The following CSNK1G1 variants were observed in gnomAD, a reference collection of about 807,000 sequenced individuals.
CSNK1G1 encodes casein kinase I isoform gamma-1.
CSNK1G1 carries 22 observed loss-of-function variants against 59.6 expected under a neutral mutation model. That is an observed-to-expected ratio of 0.37 (90% CI 0.26 to 0.53). The LOEUF (loss-of-function observed/expected upper bound fraction) is 0.53, where lower values mean the gene tolerates loss of function less well. CSNK1G1 is among the 20% of genes least tolerant of loss of function. The pLI, the probability that CSNK1G1 is intolerant of heterozygous loss-of-function variation, is 0.89. For synonymous variants in CSNK1G1, 179 were observed against 177.1 expected, an observed-to-expected ratio of 1.01 and a Z score of -0.08; for missense variants, 384 against 519.5, an observed-to-expected ratio of 0.74 and a Z score of 2.54.
At chr15:64,342,519 T>C (rs1566954571) in intron 1 of CSNK1G1, 2 of 152,210 alleles carry the variant, frequency 1.3e-5, no homozygotes, top group Non-Finnish European at 2.9e-5. Flanking sequence ...TCCAAAGTAT[T>C]GTGCAGATCA....
chr15:64,177,845 A>G (rs1274826617), intron 11 of CSNK1G1, among the ~76,000 whole-genome samples: 1 of 152,240 alleles, frequency 6.6e-6, no homozygotes, highest in Non-Finnish European at 1.5e-5. Context: ...AGCCCATTTG[A>G]TTACTGCATT....
Position 64,180,343 on chromosome 15 carries a change from C to G in CSNK1G1, c.1214+5G>C. The G allele has an allele frequency of 6.2e-7, 1 of 1,610,114 alleles. No homozygotes were observed. Among genetic ancestry groups the G allele is most frequent in the Non-Finnish European group, 8.5e-7 (1 of 1,176,338 alleles). On this transcript the variant is annotated splice_donor_5th_base_variant and intron_variant, in intron 11 of 11. Transcript: ENST00000303052. ...CTTAAGAGCCCCCTTGAAAGATGTA[C>G]GTACTTAGCTTCCTCCACTACCTCC...
At chr15:64,245,344 A>G (rs895648751) in intron 4 of CSNK1G1, among the ~76,000 whole-genome samples, 31 of 152,344 alleles carry the variant, frequency 2.0e-4, no homozygotes, top group African/African-American at 7.5e-4. Context: ...ATATATGCAA[A>G]CCATGTATCT....
intron 2 of CSNK1G1, among the ~76,000 whole-genome samples, chr15:64,289,288 G>T (rs970360901): frequency 6.6e-6 from 1 of 151,842 alleles, no homozygotes; most frequent in African/African-American, 2.4e-5. Context: ...TGCAAGTATT[G>T]TATCTGTGAC....
intron 1 of CSNK1G1, among the ~76,000 whole-genome samples, chr15:64,339,365 T>C (rs1213423537): frequency 6.6e-6 from 1 of 151,992 alleles, no homozygotes; most frequent in Non-Finnish European, 1.5e-5. Context: ...CAAGGGGGAG[T>C]GCAGTGGCAC....
chr15:64,199,752 C>T (rs896616146), intron 10 of CSNK1G1, among the ~76,000 whole-genome samples: 5 of 152,058 alleles, frequency 3.3e-5, no homozygotes, highest in African/African-American at 1.2e-4. Context: ...ACTCGGGAGG[C>T]TGAGGCAGGA....
intron 1 of CSNK1G1, among the ~76,000 whole-genome samples, chr15:64,306,147 T>C (rs930232589): frequency 6.6e-6 from 1 of 152,200 alleles, no homozygotes. Context: ...TAAGTTTAAC[T>C]TCACTAAAAC....
At chr15:64,276,194 G>A (rs2140356961) in intron 2 of CSNK1G1, among the ~76,000 whole-genome samples, 1 of 152,208 alleles carries the variant, frequency 6.6e-6, no homozygotes, top group Middle Eastern at 3.4e-3. Flanking sequence ...AAGTGTCTAT[G>A]TACTTTCAAG....
At chr15:64,181,159 C>A in intron 10 of CSNK1G1, 3 of 1,491,504 alleles carry the variant, frequency 2.0e-6, no homozygotes, top group South Asian at 2.7e-5. Context: ...GGTAAAAAAA[C>A]ACTCTCCCTT....
In CSNK1G1 at chr15:64,166,161, A is replaced by G; in HGVS notation, c.*5770T>C. 2.0e-6 allele frequency: 1 copy of G among 501,358 alleles called. No homozygotes were observed. The highest frequency in any genetic ancestry group is 3.5e-6 in the Non-Finnish European group (1 of 283,554). 31.1% of individuals were successfully genotyped at this position (501,358 alleles called of 1,614,324 possible). On this transcript the variant is annotated 3_prime_UTR_variant, in exon 12 of 12. Transcript: ENST00000303052. The surrounding 1 kb of genome is among the most constrained non-coding windows in gnomAD (Gnocchi z 4.5). ...ACATTAAAACTGATTTCCACTGCTG[A>G]TTTATACATTATCTAGTTGTTTAAA...
At chr15:64,351,034 C>T (rs746286216) in intron 1 of CSNK1G1, among the ~76,000 whole-genome samples, 1 of 151,882 alleles carries the variant, frequency 6.6e-6, no homozygotes, top group African/African-American at 2.4e-5. Context: ...CCGGAAAATA[C>T]ACTTATCTAA....
chr15:64,241,181 T>C (rs564789209), intron 4 of CSNK1G1, among the ~76,000 whole-genome samples: 4 of 152,286 alleles, frequency 2.6e-5, no homozygotes, highest in Non-Finnish European at 5.9e-5. Context: ...TGGAAAAAGA[T>C]ATTCTACACA....
Position 64,170,563 on chromosome 15 carries a change from A to G in CSNK1G1, c.*1368T>C, listed in dbSNP as rs2081652408. Reference sequence around the variant, plus strand: ...TGCTACAGCTCAGCTATTGGGGCAGATAGGATACACCGATTTTCTTTTCCT... The same window carrying G: ...TGCTACAGCTCAGCTATTGGGGCAGGTAGGATACACCGATTTTCTTTTCCT... On this transcript the variant is annotated 3_prime_UTR_variant, in exon 12 of 12. Coordinates refer to ENST00000303052, the MANE Select transcript of CSNK1G1 (RefSeq NM_022048.5). 1 of 152,624 alleles carries G rather than the reference A, an allele frequency of 6.6e-6. No homozygotes were observed. The highest frequency in any genetic ancestry group is 1.5e-5 in the Non-Finnish European group (1 of 68,050). 9.5% of individuals were successfully genotyped at this position (152,624 alleles called of 1,614,324 possible).
At position 64,221,258 on chromosome 15, in the gene CSNK1G1, T is replaced by G. The variant is rs544734052; in HGVS notation, c.293-4545A>C. 2.0e-5 allele frequency among the ~76,000 whole-genome samples: 3 copies of G among 152,282 alleles called. No homozygotes were observed. The South Asian group carries it at 6.2e-4, about 32-fold the overall frequency. On this transcript the variant is annotated intron_variant, in intron 4 of 11. Coordinates refer to ENST00000303052, the MANE Select transcript of CSNK1G1 (RefSeq NM_022048.5). The stretch of plus-strand genomic sequence containing the variant: ...TAATATTGGCATAATTTCCTACACT[T>G]GTTGCCAATACTTAAGGTTCAGTTT...
At chr15:64,353,151 G>C (rs1042695590) in intron 1 of CSNK1G1, among the ~76,000 whole-genome samples, 5 of 151,956 alleles carry the variant, frequency 3.3e-5, no homozygotes, top group Non-Finnish European at 5.9e-5. Flanking sequence ...TCTCAAAAAA[G>C]GTCAAACTGA....
intron 4 of CSNK1G1, among the ~76,000 whole-genome samples, chr15:64,223,831 A>G (rs1174273219): frequency 6.6e-6 from 1 of 152,210 alleles, no homozygotes; most frequent in Non-Finnish European, 1.5e-5. Context: ...CAAGCTGCAC[A>G]GAATAGGCAA....
At chr15:64,209,605 C>A (rs761039611) in intron 6 of CSNK1G1, among the ~76,000 whole-genome samples, 22 of 152,084 alleles carry the variant, frequency 1.4e-4, no homozygotes, top group Non-Finnish European at 3.2e-4. Flanking sequence ...CCATCAGAAT[C>A]CTTTGTCTAC....
chr15:64,216,570 T>G lies in CSNK1G1; in HGVS notation c.436A>C (p.Ile146Leu). The G allele has an allele frequency of 1.2e-6, 2 of 1,613,848 alleles. No homozygotes were observed. Among genetic ancestry groups the G allele is most frequent in the Non-Finnish European group, 1.7e-6 (2 of 1,179,822 alleles). ...GAGCAATTCCAACTTACCAGCTGGATGGCTATCATTAACACCGTCTTCAAA... is the reference window on the plus strand; with the variant it reads ...GAGCAATTCCAACTTACCAGCTGGAGGGCTATCATTAACACCGTCTTCAAA... ...FTLKTVLMIA[I>L]QLLSRMEYVH... The change falls in exon 5 of 12, where the codon ATC becomes CTC. Residue 146 changes from isoleucine (I) to leucine (L), a missense_variant. Coordinates refer to ENST00000303052, the MANE Select transcript of CSNK1G1 (RefSeq NM_022048.5). The surrounding 1 kb of genome is among the most constrained non-coding windows in gnomAD (Gnocchi z 4.6).
chr15:64,263,663 C>A (rs1042775816), intron 2 of CSNK1G1, among the ~76,000 whole-genome samples: 16 of 152,154 alleles, frequency 1.1e-4, no homozygotes, highest in African/African-American at 3.6e-4. Flanking sequence ...CATTAACCGG[C>A]CTGCCCCTTC....
Sources: allele counts gnomAD v4.1 joint callset (sites outside exome capture counted in the v4.1 genomes callset), GRCh38; gene constraint gnomAD v4.1.1; non-coding constraint Gnocchi (gnomAD v3.1); transcripts MANE v1.5; gene names NCBI Gene and HGNC (gene_info 2026-07-23, HGNC 2026-07-21).